Variants in EPB41L3 observed in about 807,000 individuals in gnomAD.
The protein encoded by EPB41L3 is erythrocyte membrane protein band 4.1 like 3.
In EPB41L3, 57 loss-of-function variants were observed where a neutral mutation model predicts 127.1. That is an observed-to-expected ratio of 0.45 (90% confidence interval 0.36 to 0.56). EPB41L3 has a LOEUF of 0.56. Ranked by LOEUF, EPB41L3 falls within the 20% of genes least tolerant of loss-of-function variation. The pLI is 0.00. For missense variants in EPB41L3, 1,273 were observed against 1,372.2 expected (o/e 0.93, Z 1.14); for synonymous variants, 572 against 549.5 (o/e 1.04, Z -0.57).
chr18:5,529,928 A>ATGTGTGTGTGTGTGTGTG (rs10611279), intron 1 of EPB41L3, among the ~76,000 whole-genome samples: 107 of 146,880 alleles, frequency 7.3e-4, no homozygotes, highest in African/African-American at 2.5e-3. Context: ...CAACTCATAT[A>ATGTGTGTGTGTGTGTGTG]TGTGTGTGTG....
At chr18:5,394,250 G>A (rs1489086963) in intron 22 of EPB41L3, 1 of 155,862 alleles carries the variant, frequency 6.4e-6, no homozygotes, top group Non-Finnish European at 1.4e-5. Flanking sequence ...CCATCAGAAG[G>A]AGAAAGGGGT....
chr18:5,593,350 G>T (rs926754009), intron 3 of EPB41L3, among the ~76,000 whole-genome samples: 1 of 152,076 alleles, frequency 6.6e-6, no homozygotes, highest in Non-Finnish European at 1.5e-5. Flanking sequence ...AAAGCTGGGC[G>T]TCCGAGGGAG....
chr18:5,473,038 G>A (rs898815983), intron 3 of EPB41L3, among the ~76,000 whole-genome samples: 2 of 152,052 alleles, frequency 1.3e-5, no homozygotes, highest in East Asian at 1.9e-4. Flanking sequence ...CTCAGTTACT[G>A]AGCCCATTCC....
At chr18:5,616,371 C>T (rs1037953837) in intron 1 of EPB41L3, among the ~76,000 whole-genome samples, 24 of 152,130 alleles carry the variant, frequency 1.6e-4, no homozygotes, top group Admixed American at 6.5e-5. Context: ...ACTGCTTCCT[C>T]TTTGATGATT....
intron 1 of EPB41L3, 69 bp from the exon 2 acceptor site, chr18:5,489,263 A>AT (rs2090305403): frequency 1.3e-6 from 2 of 1,519,942 alleles, no homozygotes; most frequent in African/African-American, 2.9e-5. Flanking sequence ...GAAAACTAGG[A>AT]TGCTCACCGT....
At position 5,398,095 on chromosome 18, in the gene EPB41L3, T is replaced by C. The variant is rs1405023207; in HGVS notation, c.2398A>G (p.Ser800Gly). 5 of 1,613,972 alleles carry C rather than the reference T, an allele frequency of 3.1e-6. No homozygotes were observed. Among genetic ancestry groups the C allele is most frequent in the Non-Finnish European group, 2.5e-6 (3 of 1,180,018 alleles). ...EKLMDGSEIFSLLESARKPTE... is the reference protein window; with the variant it reads ...EKLMDGSEIFGLLESARKPTE... ...GGTTTTCGCGCAGACTCTAATAAAC[T>C]GAAGATTTCAGAGCCATCCATGAGC... The change falls in exon 17 of 23, where the codon AGT (serine) becomes GGT (glycine). Residue 800 changes from serine to glycine, a missense_variant. Coordinates refer to ENST00000341928, the MANE Select transcript of EPB41L3 (RefSeq NM_012307.5).
At chr18:5,416,570 T>A (rs1015713426) in intron 12 of EPB41L3, among the ~76,000 whole-genome samples, 192 bp from the exon 13 acceptor site, 4 of 152,178 alleles carry the variant, frequency 2.6e-5, no homozygotes, top group African/African-American at 9.7e-5. Flanking sequence ...AACGGCTACA[T>A]TTCTCCCATG....
intron 16 of EPB41L3, among the ~76,000 whole-genome samples, chr18:5,405,953 C>T (rs1195413369): frequency 6.6e-6 from 1 of 152,080 alleles, no homozygotes; most frequent in Non-Finnish European, 1.5e-5. Flanking sequence ...TGGCCAGGTG[C>T]GATGGCTCAC....
intron 1 of EPB41L3, among the ~76,000 whole-genome samples, chr18:5,509,551 G>A (rs952517287): frequency 6.6e-6 from 1 of 152,190 alleles, no homozygotes; most frequent in African/African-American, 2.4e-5. Context: ...AGGTAAGTCA[G>A]CTAGCCCCAA....
At chr18:5,458,345 T>C (rs1445638974) in intron 3 of EPB41L3, among the ~76,000 whole-genome samples, 1 of 152,250 alleles carries the variant, frequency 6.6e-6, no homozygotes, top group Non-Finnish European at 1.5e-5. Context: ...TAAGTGGTCT[T>C]AAACTGTGGT....
intron 3 of EPB41L3, chr18:5,577,563 A>G: frequency 3.2e-6 from 1 of 314,528 alleles, no homozygotes; most frequent in Non-Finnish European, 6.2e-6. Flanking sequence ...GCAGGAAGCA[A>G]TAACTGCACA....
intron 5 of EPB41L3, among the ~76,000 whole-genome samples, chr18:5,441,617 C>T (rs551871068): frequency 0.025 from 3,818 of 152,144 alleles, 50 homozygotes; most frequent in Non-Finnish European, 0.038. Flanking sequence ...AGGCGCACGC[C>T]ACCATGCCCG....
intron 3 of EPB41L3, among the ~76,000 whole-genome samples, chr18:5,590,678 G>A (rs1222596873): frequency 6.6e-6 from 1 of 152,054 alleles, no homozygotes; most frequent in Non-Finnish European, 1.5e-5. Flanking sequence ...TGAGGAATGG[G>A]CAAATACACT....
intron 3 of EPB41L3, among the ~76,000 whole-genome samples, chr18:5,609,048 T>G (rs921282466): frequency 1.3e-5 from 2 of 152,160 alleles, no homozygotes; most frequent in Admixed American, 6.5e-5. Flanking sequence ...TTTTTAGAAA[T>G]TTCAGAAATA....
intron 1 of EPB41L3, among the ~76,000 whole-genome samples, chr18:5,617,474 A>G (rs937361866): frequency 6.6e-6 from 1 of 152,002 alleles, no homozygotes; most frequent in Non-Finnish European, 1.5e-5. Context: ...GCCAGCCACC[A>G]CACCCGGCTA....
At chr18:5,594,309 G>A (rs994186556) in intron 3 of EPB41L3, among the ~76,000 whole-genome samples, 10 of 151,992 alleles carry the variant, frequency 6.6e-5, no homozygotes, top group Admixed American at 2.0e-4. Context: ...CAACACCCCC[G>A]CAAAATTTTA....
chr18:5,422,075 A>T (rs890344799), intron 11 of EPB41L3, among the ~76,000 whole-genome samples: 10 of 152,210 alleles, frequency 6.6e-5, no homozygotes, highest in Non-Finnish European at 1.2e-4. Flanking sequence ...GCTTTTCACA[A>T]CAGCCCCGTC....
At chr18:5,589,976 A>G (rs1485736812) in intron 3 of EPB41L3, among the ~76,000 whole-genome samples, 1 of 152,252 alleles carries the variant, frequency 6.6e-6, no homozygotes, top group African/African-American at 2.4e-5. Context: ...AGCAATTTAA[A>G]TTAAAAGGAG....
intron 3 of EPB41L3, among the ~76,000 whole-genome samples, chr18:5,559,373 G>A (rs535731214): frequency 2.0e-4 from 30 of 152,246 alleles, no homozygotes; most frequent in African/African-American, 6.7e-4. Context: ...TTCTCCACCC[G>A]CCTTGCAAGG....
Sources: allele counts gnomAD v4.1 joint callset (sites outside exome capture counted in the v4.1 genomes callset), GRCh38; gene constraint gnomAD v4.1.1; transcripts MANE v1.5; gene names NCBI Gene and HGNC (gene_info 2026-07-23, HGNC 2026-07-21).